OTUD7A: variants seen among roughly 807,000 people sequenced by gnomAD.
The protein encoded by OTUD7A is OTU domain-containing protein 7A.
OTUD7A carries 12 observed loss-of-function variants against 65.7 expected under a neutral mutation model. That is an observed-to-expected ratio of 0.18 (90% CI 0.12 to 0.30). The LOEUF (loss-of-function observed/expected upper bound fraction) is 0.30. Ranked by LOEUF, OTUD7A falls within the 10% of genes least tolerant of loss-of-function variation. The pLI is 1.00. For missense variants in OTUD7A, 1,148 were observed against 1,304.8 expected, an observed-to-expected ratio of 0.88 and a Z score of 1.85; for synonymous variants, 641 against 586.3, an observed-to-expected ratio of 1.09 and a Z score of -1.35.
At chr15:31,807,695 G>A (rs1475462933) in intron 1 of OTUD7A, among the ~76,000 whole-genome samples, 1 of 152,138 alleles carries the variant, frequency 6.6e-6, no homozygotes, top group African/African-American at 2.4e-5. Context: ...ACCATCAGCA[G>A]AGCCCCCTGG....
chr15:31,632,391 C>G (rs1353346612), intron 3 of OTUD7A, among the ~76,000 whole-genome samples: 1 of 152,226 alleles, frequency 6.6e-6, no homozygotes, highest in Non-Finnish European at 1.5e-5. Context: ...GCAGCGGTGG[C>G]TGCAGAACAG....
chr15:31,652,402 A>T (rs150570985), intron 3 of OTUD7A, among the ~76,000 whole-genome samples: 1 of 152,230 alleles, frequency 6.6e-6, no homozygotes, highest in African/African-American at 2.4e-5. Flanking sequence ...AAGACCAACT[A>T]CAAGAAAATC....
At chr15:31,617,437 A>G (rs2141230706) in intron 3 of OTUD7A, among the ~76,000 whole-genome samples, 1 of 152,152 alleles carries the variant, frequency 6.6e-6, no homozygotes, top group East Asian at 1.9e-4. Context: ...CAGTGAGCCC[A>G]GACTGTGCCA....
chr15:31,766,819 A>G (rs954903223), intron 1 of OTUD7A: 13 of 1,612,674 alleles, frequency 8.1e-6, no homozygotes, highest in Non-Finnish European at 1.0e-5. Flanking sequence ...CTCTAAAAAC[A>G]GTTTATTATT....
chr15:31,543,972 A>C (rs555250021), intron 5 of OTUD7A, among the ~76,000 whole-genome samples: 143 of 152,032 alleles, frequency 9.4e-4, no homozygotes, highest in Non-Finnish European at 1.7e-3. Context: ...ATTTTAAAAA[A>C]ACTGATCATA....
intron 6 of OTUD7A, among the ~76,000 whole-genome samples, chr15:31,527,821 G>A (rs1373964821): frequency 6.6e-6 from 1 of 152,184 alleles, no homozygotes. Context: ...GCACACACCT[G>A]GCCCAGGAGA....
Position 31,482,420 on chromosome 15 carries a change from A to G in OTUD7A, c.*874T>C, listed in dbSNP as rs1566876091. ...GATGGTCACCGCCCAGGGGCCCGCC[A>G]GCGACAGTCCACTGTGGAAGTGCCT... On this transcript the variant is annotated 3_prime_UTR_variant, in exon 13 of 13. Transcript: ENST00000307050. 1 of 152,322 alleles carries G rather than the reference A, an allele frequency of 6.6e-6. No individual in the cohort carries two copies. Among genetic ancestry groups the G allele is most frequent in the African/African-American group, 2.4e-5 (1 of 41,472 alleles). 9.4% of individuals were successfully genotyped at this position (152,322 alleles called of 1,614,324 possible). A position where few individuals can be genotyped will look rare whatever the true frequency, so the allele number is the denominator to read the frequency against.
At position 31,483,840 on chromosome 15, in the gene OTUD7A, C is replaced by G. The variant is rs1419896603; in HGVS notation, c.2256G>C (p.Pro752=). ...CGCTCGCACGCCGCGCGCCTCCCCC[C>G]GGGGAGGCCGTGCCGCCCGCCGCCG... is the stretch of plus-strand genomic sequence containing the variant. ...ARAAAGGTAS[P]GGGARRASAS... is the part of the protein sequence containing the mutation. The change falls in exon 13 of 13, where the codon CCG becomes CCC. Residue 752 remains proline, a synonymous_variant. Transcript: ENST00000307050. 5.1e-6 allele frequency: 5 copies of G among 984,290 alleles called. No homozygotes were observed. The highest frequency in any genetic ancestry group is 6.3e-5 in the Admixed American group (1 of 15,972). 61.0% of individuals were successfully genotyped at this position (984,290 alleles called of 1,614,324 possible).
chr15:31,501,867 T>G (rs1467959715), intron 9 of OTUD7A, 28 bp from the exon 10 acceptor site: 2 of 1,586,546 alleles, frequency 1.3e-6, no homozygotes, highest in Non-Finnish European at 1.7e-6. Flanking sequence ...GGTGAGGGTG[T>G]GAGGAGCAGC....
At chr15:31,802,878 A>G (rs1343859833) in intron 1 of OTUD7A, among the ~76,000 whole-genome samples, 1 of 152,192 alleles carries the variant, frequency 6.6e-6, no homozygotes, top group Non-Finnish European at 1.5e-5. Flanking sequence ...TTGAACCCCA[A>G]TTGAGTGTTG....
intron 1 of OTUD7A, among the ~76,000 whole-genome samples, chr15:31,807,333 T>A (rs1336230247): frequency 6.6e-6 from 1 of 152,168 alleles, no homozygotes; most frequent in Non-Finnish European, 1.5e-5. Flanking sequence ...GGGACATGCA[T>A]GTGTTTCACA....
intron 1 of OTUD7A, among the ~76,000 whole-genome samples, chr15:31,673,339 A>G (rs1340079743): frequency 1.3e-5 from 2 of 152,246 alleles, no homozygotes; most frequent in African/African-American, 4.8e-5. Context: ...TAAACATGAA[A>G]GTGAACTTTG....
chr15:31,774,882 CGTT>C (rs1366471295), intron 1 of OTUD7A, among the ~76,000 whole-genome samples: 1 of 150,520 alleles, frequency 6.6e-6, no homozygotes, highest in African/African-American at 2.5e-5. Context: ...TGGATTGTGA[CGTT>C]GTCCTGGCCT....
chr15:31,763,809 G>A lies in OTUD7A; in HGVS notation c.-100+106698C>T, dbSNP rs188583602. On this transcript the variant is annotated intron_variant, in intron 1 of 12. Transcript: ENST00000307050. ...CTGAATACAGCAAGGAAAAATCACC[G>A]CATTATAAATAGGAGAACAACCCTC... Among the ~76,000 whole-genome samples the A allele has an allele frequency of 1.3e-3, 202 of 152,260 alleles. 1 individual carries two copies. Among genetic ancestry groups the A allele is most frequent in the Non-Finnish European group, 2.6e-3 (174 of 68,020 alleles).
intron 1 of OTUD7A, among the ~76,000 whole-genome samples, chr15:31,827,626 A>T (rs1220304358): frequency 1.3e-5 from 2 of 151,816 alleles, no homozygotes; most frequent in African/African-American, 2.4e-5. Context: ...CTTTTCTAAA[A>T]CTCTTTGTTA....
chr15:31,718,974 A>G lies in OTUD7A; in HGVS notation c.-99-61897T>C, dbSNP rs139500186. Among the ~76,000 whole-genome samples, 753 of 151,618 alleles carry G rather than the reference A, an allele frequency of 5.0e-3. 1 individual carries two copies. The highest frequency in any genetic ancestry group is 0.017 in the African/African-American group (723 of 41,474). On this transcript the variant is annotated intron_variant, in intron 1 of 12. Transcript: ENST00000307050. Reference sequence around the variant, plus strand: ...GCTATTCTACAGGCTTCTATTAGATAGAGTCTCATCACTTTGTTGTTGGGA... The same window carrying G: ...GCTATTCTACAGGCTTCTATTAGATGGAGTCTCATCACTTTGTTGTTGGGA...
chr15:31,560,277 A>T (rs1401309118), intron 4 of OTUD7A, among the ~76,000 whole-genome samples: 3 of 152,222 alleles, frequency 2.0e-5, no homozygotes. Flanking sequence ...CACAATATTA[A>T]GTCAGTCCAT....
At chr15:31,654,300 C>T (rs952733493) in intron 3 of OTUD7A, among the ~76,000 whole-genome samples, 7 of 135,704 alleles carry the variant, frequency 5.2e-5, no homozygotes, top group African/African-American at 2.0e-4. Context: ...TTTGCCATTG[C>T]CATTTTTTGA....
chr15:31,697,566 TGGGGTTCAGGAG>T (rs947792207), intron 1 of OTUD7A, among the ~76,000 whole-genome samples: 1 of 150,452 alleles, frequency 6.6e-6, no homozygotes, highest in African/African-American at 2.4e-5. Flanking sequence ...TAGAGCTACT[TGGGGTTCAGGAG>T]GTGAAATTGA....
Sources: gnomAD v4.1 joint callset for allele counts (sites outside exome capture counted in the v4.1 genomes callset) on GRCh38, gnomAD v4.1.1 for gene constraint, MANE v1.5 for transcripts, NCBI Gene and HGNC (gene_info 2026-07-23, HGNC 2026-07-21) for gene names.